Variants in ODF4 observed in about 807,000 individuals in gnomAD.
ODF4 encodes outer dense fiber protein 4.
ODF4 carries 11 observed loss-of-function variants against 17.0 expected under a neutral mutation model. The observed-to-expected ratio is 0.65, with a 90% CI of 0.41 to 1.07. The LOEUF (loss-of-function observed/expected upper bound fraction) is 1.07. Ranked by LOEUF, ODF4 falls within the 50% of genes least tolerant of loss-of-function variation. ODF4 has a pLI of 0.00. For synonymous variants in ODF4, 127 were observed against 121.8 expected, an observed-to-expected ratio of 1.04 and a Z score of -0.28; for missense variants, 281 against 310.2, an observed-to-expected ratio of 0.91 and a Z score of 0.71.
intron 1 of ODF4, among the ~76,000 whole-genome samples, chr17:8,341,144 C>G (rs561361151): frequency 4.1e-4 from 62 of 151,812 alleles, no homozygotes; most frequent in African/African-American, 1.4e-3. Context: ...GAGCCGAGAC[C>G]GCACCATTGC....
chr17:8,345,205 A>G lies in ODF4; in HGVS notation c.455-138A>G. ...TTGGTCACAGGAGAGGTAGAAATGC[A>G]GGGGTTGACTCCTGGAACCTCAGGG... On this transcript the variant is annotated intron_variant, in intron 1 of 2. Transcript: ENST00000328248. The surrounding 1 kb of genome is among the most constrained non-coding windows in gnomAD (Gnocchi z 4.1). The G allele has an allele frequency of 4.7e-6, 4 of 852,042 alleles. No individual in the cohort carries two copies. The highest frequency in any genetic ancestry group is 1.7e-5 in the African/African-American group (1 of 58,998). The allele number at this position is 852,042 out of a possible 1,614,324, so 52.8% of individuals were successfully genotyped here.
intron 1 of ODF4, among the ~76,000 whole-genome samples, chr17:8,341,799 A>C (rs1906032329): frequency 6.6e-6 from 1 of 152,024 alleles, no homozygotes; most frequent in Non-Finnish European, 1.5e-5. Context: ...AAAATCACAC[A>C]GCTATTATTT....
rs369694815 is a variant in ODF4 at position 8,340,245 on chromosome 17, C to T, written c.194C>T (p.Pro65Leu). 2.9e-5 allele frequency: 47 copies of T among 1,614,032 alleles called. No homozygotes were observed. Among genetic ancestry groups the T allele is most frequent in the Non-Finnish European group, 3.1e-5 (36 of 1,180,002 alleles). Residue 65 changes from proline to leucine, a missense_variant, in exon 1 of 3, where the codon CCG becomes CTG. By Grantham distance (98) the Pro-to-Leu change is moderately conservative. Coordinates refer to ENST00000328248, the MANE Select transcript of ODF4 (RefSeq NM_153007.5). ...NRSLGQRQNS[P>L]LPFQWRITHS... ...TCCTTGGGCCAGCGCCAGAACTCTC[C>T]GCTGCCCTTTCAATGGAGAATCACA... is the stretch of plus-strand genomic sequence containing the variant.
chr17:8,341,144 C>T (rs561361151), intron 1 of ODF4, among the ~76,000 whole-genome samples: 9 of 151,694 alleles, frequency 5.9e-5, no homozygotes, highest in South Asian at 2.1e-4. Flanking sequence ...GAGCCGAGAC[C>T]GCACCATTGC....
chr17:8,339,876 G>T lies in ODF4; in HGVS notation c.-176G>T. 2.3e-6 allele frequency: 1 copy of T among 444,086 alleles called. No individual in the cohort carries two copies. 27.5% of individuals were successfully genotyped at this position (444,086 alleles called of 1,614,324 possible). A position where few individuals can be genotyped will look rare whatever the true frequency, so the allele number is the denominator to read the frequency against. ...GGGACCTGGCCTGCTGAATGGGTTG[G>T]GGCCTTCTCTTGGATCAAGAGTCTC... On this transcript the variant is annotated 5_prime_UTR_variant, in exon 1 of 3. Coordinates refer to ENST00000328248, the MANE Select transcript of ODF4 (RefSeq NM_153007.5).
At position 8,345,556 on chromosome 17, in the gene ODF4, G is replaced by A. The variant is rs1414621310; in HGVS notation, c.589+79G>A. 1.3e-6 allele frequency: 2 copies of A among 1,555,050 alleles called. No homozygotes were observed. Among genetic ancestry groups the A allele is most frequent in the Non-Finnish European group, 1.8e-6 (2 of 1,135,332 alleles). On this transcript the variant is annotated intron_variant, in intron 2 of 2. Transcript: ENST00000328248. This position sits in a 1 kb window ranked among gnomAD's most constrained non-coding sequence, Gnocchi z 4.1. ...GGGAAAGTGTGGAGGGAAGAGGCTG[G>A]CAATCCCCAGGGCTAGATTTTTAGG...
At chr17:8,342,346 G>A (rs995105922) in intron 1 of ODF4, among the ~76,000 whole-genome samples, 3 of 152,180 alleles carry the variant, frequency 2.0e-5, no homozygotes, top group South Asian at 2.1e-4. Flanking sequence ...GGTTTCAAGC[G>A]ATTATCCTGC....
intron 1 of ODF4, among the ~76,000 whole-genome samples, 188 bp downstream of exon 1, chr17:8,340,693 T>C (rs995970327): frequency 6.6e-6 from 1 of 152,092 alleles, no homozygotes; most frequent in Non-Finnish European, 1.5e-5. Context: ...ATAGATTTGA[T>C]TGGTGCAATG....
chr17:8,340,251 C>CT lies in ODF4; in HGVS notation c.200_201insT (p.Phe68LeufsTer19). 6.2e-7 allele frequency: 1 copy of CT among 1,614,084 alleles called. No individual in the cohort carries two copies. The highest frequency in any genetic ancestry group is 8.5e-7 in the Non-Finnish European group (1 of 1,179,944). On this transcript the variant is annotated frameshift_variant, in exon 1 of 3. Coordinates refer to ENST00000328248, the MANE Select transcript of ODF4 (RefSeq NM_153007.5). LOFTEE classifies it high-confidence loss of function. ...GGCCAGCGCCAGAACTCTCCGCTGC[C>CT]CTTTCAATGGAGAATCACACACAGC...
rs751678843 is a variant in ODF4, at chr17:8,345,890, A to T, written c.*38A>T. ...TCCTGGCACCAAGTTCTGTCCATTC[A>T]TCTGACCCCATCTCCTCATCCTCCC... On this transcript the variant is annotated 3_prime_UTR_variant, in exon 3 of 3. Coordinates refer to ENST00000328248, the MANE Select transcript of ODF4 (RefSeq NM_153007.5). This position sits in a 1 kb window ranked among gnomAD's most constrained non-coding sequence, Gnocchi z 4.1. 1.3e-6 allele frequency: 2 copies of T among 1,531,148 alleles called. No individual in the cohort carries two copies. Among genetic ancestry groups the T allele is most frequent in the South Asian group, 1.1e-5 (1 of 88,472 alleles). 94.8% of individuals were successfully genotyped at this position (1,531,148 alleles called of 1,614,324 possible).
At chr17:8,343,752 G>C (rs966368505) in intron 1 of ODF4, among the ~76,000 whole-genome samples, 1 of 125,332 alleles carries the variant, frequency 8.0e-6, no homozygotes, top group Non-Finnish European at 1.7e-5. Flanking sequence ...CTGACCTCGT[G>C]ATCTGCCCAC....
Position 8,345,565 on chromosome 17 carries a change from A to G in ODF4, c.589+88A>G. 2 of 1,547,114 alleles carry G rather than the reference A, an allele frequency of 1.3e-6. No homozygotes were observed. The highest frequency in any genetic ancestry group is 8.9e-7 in the Non-Finnish European group (1 of 1,129,312). Reference sequence around the variant, plus strand: ...TGGAGGGAAGAGGCTGGCAATCCCCAGGGCTAGATTTTTAGGGTCTTATCT... The same window carrying G: ...TGGAGGGAAGAGGCTGGCAATCCCCGGGGCTAGATTTTTAGGGTCTTATCT... On this transcript the variant is annotated intron_variant, in intron 2 of 2. Coordinates refer to ENST00000328248, the MANE Select transcript of ODF4 (RefSeq NM_153007.5). The surrounding 1 kb of genome is among the most constrained non-coding windows in gnomAD (Gnocchi z 4.1).
In ODF4 at chr17:8,345,736, T is replaced by C. The variant is rs767404530; in HGVS notation, c.658T>C (p.Ser220Pro). 8 of 1,614,094 alleles carry C rather than the reference T, an allele frequency of 5.0e-6. No homozygotes were observed. In the East Asian group the frequency reaches 1.8e-4, roughly 36 times the overall value. ...TCTGAGCCACCCCAGTGGTGCCGTG[T>C]CCTGCAGCAGCAGTTTCGGCTCAGT... ...LILSHPSGAVSCSSSFGSVEE... is the reference protein window; with the variant it reads ...LILSHPSGAVPCSSSFGSVEE... The change falls in exon 3 of 3, where the codon TCC (serine) becomes CCC (proline). Residue 220 changes from serine (S) to proline (P), a missense_variant. Ser to Pro is a moderately conservative substitution (Grantham distance 74). Coordinates refer to ENST00000328248, the MANE Select transcript of ODF4 (RefSeq NM_153007.5). The surrounding 1 kb of genome is among the most constrained non-coding windows in gnomAD (Gnocchi z 4.1).
chr17:8,343,200 C>T (rs1479867674), intron 1 of ODF4, among the ~76,000 whole-genome samples: 6 of 149,160 alleles, frequency 4.0e-5, no homozygotes, highest in African/African-American at 9.9e-5. Flanking sequence ...GGCATGATCT[C>T]GGCTCAGTGC....
At position 8,345,248 on chromosome 17, in the gene ODF4, G is replaced by A; in HGVS notation, c.455-95G>A. ...CCTCAGGGCCAGTCACTCTGTGTGT[G>A]GTGATGTGGTTTGTGGCTGTAGCCT... On this transcript the variant is annotated intron_variant, in intron 1 of 2. Transcript: ENST00000328248. This position sits in a 1 kb window ranked among gnomAD's most constrained non-coding sequence, Gnocchi z 4.1. 1 of 1,149,552 alleles carries A rather than the reference G, an allele frequency of 8.7e-7. No homozygotes were observed. The highest frequency in any genetic ancestry group is 1.3e-6 in the Non-Finnish European group (1 of 787,250). The allele number at this position is 1,149,552 out of a possible 1,614,324, so 71.2% of individuals were successfully genotyped here.
Position 8,345,853 on chromosome 17 carries a change from T to C in ODF4, c.*1T>C, listed in dbSNP as rs767455800. 6.2e-7 allele frequency: 1 copy of C among 1,612,796 alleles called. No individual in the cohort carries two copies. Among genetic ancestry groups the C allele is most frequent in the Non-Finnish European group, 8.5e-7 (1 of 1,178,998 alleles). Reference sequence around the variant, plus strand: ...TGAGCAGAAGGATACACATGTGTAATCTTTTCTGAACTCCTGGCACCAAGT... The same window carrying C: ...TGAGCAGAAGGATACACATGTGTAACCTTTTCTGAACTCCTGGCACCAAGT... On this transcript the variant is annotated 3_prime_UTR_variant, in exon 3 of 3. Transcript: ENST00000328248. The surrounding 1 kb of genome is among the most constrained non-coding windows in gnomAD (Gnocchi z 4.1).
At position 8,340,316 on chromosome 17, in the gene ODF4, C is replaced by T; in HGVS notation, c.265C>T (p.Leu89=). The T allele has an allele frequency of 3.7e-6, 6 of 1,613,370 alleles. No individual in the cohort carries two copies. The highest frequency in any genetic ancestry group is 1.1e-5 in the South Asian group (1 of 90,960). The change falls in exon 1 of 3, where the codon CTG becomes TTG. Residue 89 remains leucine, a synonymous_variant. Transcript: ENST00000328248. ...MAQVLASELS[L]VAFILLLVVA... is the part of the protein sequence containing the mutation. ...CCAGGTGTTGGCCTCTGAGCTCAGC[C>T]TGGTTGCCTTTATCCTACTATTGGT... is the stretch of plus-strand genomic sequence containing the variant.
At chr17:8,342,823 C>T (rs1430464811) in intron 1 of ODF4, among the ~76,000 whole-genome samples, 1 of 152,044 alleles carries the variant, frequency 6.6e-6, no homozygotes, top group Non-Finnish European at 1.5e-5. Context: ...CCTCAAACTG[C>T]TGGGCCCAAG....
chr17:8,340,144 G>A lies in ODF4; in HGVS notation c.93G>A (p.Glu31=), dbSNP rs1156599044. The A allele has an allele frequency of 6.4e-7, 1 of 1,571,090 alleles. No homozygotes were observed. Among genetic ancestry groups the A allele is most frequent in the Non-Finnish European group, 8.6e-7 (1 of 1,159,732 alleles). The change falls in exon 1 of 3, where the codon GAG becomes GAA. Residue 31 remains glutamate (E), a synonymous_variant. Transcript: ENST00000328248. The stretch of plus-strand genomic sequence containing the variant: ...CTGGAAAGGAAAGGAAGAGTGGGGA[G>A]GCAGGATGGGGCACAGGTGAGCTGG... ...QRPGKERKSG[E]AGWGTGELGQ...
Sources: allele counts gnomAD v4.1 joint callset (sites outside exome capture counted in the v4.1 genomes callset), GRCh38; gene constraint gnomAD v4.1.1; non-coding constraint Gnocchi (gnomAD v3.1); transcripts MANE v1.5; gene names NCBI Gene and HGNC (gene_info 2026-07-23, HGNC 2026-07-21).